Variants in PALM2AKAP2 observed in about 807,000 individuals in gnomAD.
PALM2AKAP2 encodes PALM2-AKAP2 fusion protein.
In PALM2AKAP2, 37 loss-of-function variants were observed where a neutral mutation model predicts 71.5. The ratio of observed to expected loss-of-function variants is 0.52; its 90% CI spans 0.40 to 0.68. The LOEUF is 0.68. Ranked by LOEUF, PALM2AKAP2 falls within the 30% of genes least tolerant of loss-of-function variation. The probability of loss-of-function intolerance (pLI) is 0.00; values close to 1 mark genes in which losing one functional copy is unlikely to be tolerated. For missense variants in PALM2AKAP2, 1,224 were observed against 1,191.8 expected (o/e 1.03, Z -0.40); for synonymous variants, 468 against 478.8 (o/e 0.98, Z 0.29).
chr9:109,863,583 G>T (rs1333145136), intron 1 of PALM2AKAP2, among the ~76,000 whole-genome samples: 2 of 152,152 alleles, frequency 1.3e-5, no homozygotes, highest in Admixed American at 6.5e-5. Context: ...TACTGGTTTT[G>T]TCCTGGTTAA....
At chr9:109,834,938 C>A (rs1365429230) in intron 1 of PALM2AKAP2, among the ~76,000 whole-genome samples, 2 of 152,136 alleles carry the variant, frequency 1.3e-5, no homozygotes. Context: ...CAGTTTGATT[C>A]CCCCAATCTC....
chr9:109,846,430 A>T (rs2769151), intron 1 of PALM2AKAP2, among the ~76,000 whole-genome samples: 1 of 151,932 alleles, frequency 6.6e-6, no homozygotes. Context: ...GCCCATTGTG[A>T]CTCTTGCTTG....
chr9:110,021,700 T>A (rs551850680), intron 7 of PALM2AKAP2, among the ~76,000 whole-genome samples: 13 of 152,002 alleles, frequency 8.6e-5, no homozygotes, highest in African/African-American at 3.1e-4. Flanking sequence ...GCTTCTATTT[T>A]ATATCCTATT....
chr9:109,747,998 A>T (rs967615211), intron 1 of PALM2AKAP2, among the ~76,000 whole-genome samples: 6 of 152,212 alleles, frequency 3.9e-5, no homozygotes, highest in African/African-American at 1.4e-4. Context: ...TTTAAAGATT[A>T]CAAATGACTC....
intron 1 of PALM2AKAP2, among the ~76,000 whole-genome samples, chr9:110,053,552 A>G (rs904924376): frequency 1.1e-4 from 17 of 151,370 alleles, no homozygotes; most frequent in Middle Eastern, 3.2e-3. Context: ...AAAAAAAGAA[A>G]AAAAGAAAGA....
At chr9:109,650,040 T>C (rs1827204654) in intron 1 of PALM2AKAP2, among the ~76,000 whole-genome samples, 1 of 152,230 alleles carries the variant, frequency 6.6e-6, no homozygotes, top group Admixed American at 6.5e-5. Flanking sequence ...TTCCTACATC[T>C]CTTGCCTTGA....
At chr9:110,068,617 T>C (rs1834138340) in intron 1 of PALM2AKAP2, among the ~76,000 whole-genome samples, 1 of 151,578 alleles carries the variant, frequency 6.6e-6, no homozygotes, top group Non-Finnish European at 1.5e-5. Flanking sequence ...GCAGCCTCCA[T>C]CTCCCCCAGG....
intron 1 of PALM2AKAP2, among the ~76,000 whole-genome samples, chr9:109,644,142 C>A (rs1827113698): frequency 1.3e-5 from 2 of 152,168 alleles, no homozygotes; most frequent in Admixed American, 1.3e-4. Flanking sequence ...CTGGGGATTA[C>A]ATCTCAACAT....
intron 1 of PALM2AKAP2, among the ~76,000 whole-genome samples, chr9:109,847,357 T>C (rs1587956187): frequency 6.6e-6 from 1 of 152,172 alleles, no homozygotes; most frequent in African/African-American, 2.4e-5. Flanking sequence ...AGGCAAAGGA[T>C]GAATTGTCCC....
chr9:110,158,062 G>A (rs1038437606), intron 3 of PALM2AKAP2, among the ~76,000 whole-genome samples: 51 of 152,140 alleles, frequency 3.4e-4, no homozygotes, highest in African/African-American at 1.0e-3. Flanking sequence ...GATGATGCCC[G>A]GCCCTGGGTA....
At chr9:110,076,726 C>T (rs1194287321) in intron 1 of PALM2AKAP2, among the ~76,000 whole-genome samples, 3 of 152,012 alleles carry the variant, frequency 2.0e-5, no homozygotes, top group Non-Finnish European at 4.4e-5. Context: ...ATCATGCACA[C>T]ATGATGTTTA....
At chr9:110,059,404 G>A (rs1305845155) in intron 1 of PALM2AKAP2, among the ~76,000 whole-genome samples, 1 of 152,118 alleles carries the variant, frequency 6.6e-6, no homozygotes, top group Non-Finnish European at 1.5e-5. Flanking sequence ...GCTTTCTTTA[G>A]TTGTTGGTAC....
At position 110,017,488 on chromosome 9, in the gene PALM2AKAP2, A is replaced by G. The variant is rs79104086; in HGVS notation, c.582+1449A>G. ...TGTTTTATTGGCTATTATTGCAATG[A>G]TTGACAAGTTTCAGTCTATGACCAC... is the stretch of plus-strand genomic sequence containing the variant. On this transcript the variant is annotated intron_variant, in intron 7 of 9. Coordinates refer to the PALM2AKAP2 transcript ENST00000302798. Among the ~76,000 whole-genome samples, 7 of 152,324 alleles carry G rather than the reference A, an allele frequency of 4.6e-5. No individual in the cohort carries two copies. In the East Asian group the frequency reaches 1.4e-3, roughly 29 times the overall value.
At chr9:110,053,205 T>C (rs916656070) in intron 1 of PALM2AKAP2, among the ~76,000 whole-genome samples, 10 of 152,152 alleles carry the variant, frequency 6.6e-5, no homozygotes, top group African/African-American at 2.2e-4. Flanking sequence ...CCAGTCCTTG[T>C]GGGGACAAGT....
At chr9:110,112,530 A>C (rs758699267) in intron 1 of PALM2AKAP2, among the ~76,000 whole-genome samples, 1 of 152,266 alleles carries the variant, frequency 6.6e-6, no homozygotes, top group Non-Finnish European at 1.5e-5. Context: ...CATATCATCT[A>C]TATTTCCTGT....
chr9:109,844,931 ATGTGTGTG>A (rs71373945), intron 1 of PALM2AKAP2, among the ~76,000 whole-genome samples: 4 of 149,308 alleles, frequency 2.7e-5, no homozygotes, highest in Admixed American at 6.6e-5. Context: ...CCAGAAAATG[ATGTGTGTG>A]TGTGTGTGTG....
At chr9:109,714,286 C>T (rs1828284884) in intron 1 of PALM2AKAP2, among the ~76,000 whole-genome samples, 2 of 152,166 alleles carry the variant, frequency 1.3e-5, no homozygotes, top group African/African-American at 4.8e-5. Context: ...TACGAAATCT[C>T]TCTGTCCCTC....
chr9:109,799,004 C>T lies in PALM2AKAP2; in HGVS notation c.45+18471C>T, dbSNP rs187670685. ...TCACTGTTGTGCGGACCATGCAACC[C>T]GAGTCTCAAAGACTCACGGATCCCC... On this transcript the variant is annotated intron_variant, in intron 1 of 9. Coordinates refer to the PALM2AKAP2 transcript ENST00000302798. Among the ~76,000 whole-genome samples, 23 of 152,250 alleles carry T rather than the reference C, an allele frequency of 1.5e-4. No homozygotes were observed. The East Asian group carries it at 4.1e-3, about 27-fold the overall frequency.
intron 6 of PALM2AKAP2, among the ~76,000 whole-genome samples, chr9:110,001,902 A>G (rs62580197): frequency 0.12 from 18,886 of 152,202 alleles, 1,572 homozygotes; most frequent in African/African-American, 0.23. Flanking sequence ...TATCAGCTTA[A>G]GGAGATTTTG....
Sources: gnomAD v4.1 joint callset for allele counts (sites outside exome capture counted in the v4.1 genomes callset) on GRCh38, gnomAD v4.1.1 for gene constraint, MANE v1.5 for transcripts, NCBI Gene and HGNC (gene_info 2026-07-23, HGNC 2026-07-21) for gene names.